The following SEMA5B variants were observed in gnomAD, a reference collection of about 807,000 sequenced individuals.
SEMA5B encodes semaphorin 5B.
Under a neutral mutation model 135.0 loss-of-function variants are expected in SEMA5B, and 66 were observed. The observed-to-expected ratio is 0.49, with a 90% CI of 0.40 to 0.60. The LOEUF (loss-of-function observed/expected upper bound fraction) is 0.60, where lower values mean the gene tolerates loss of function less well. Among genes scored for constraint, SEMA5B ranks in the 20% least tolerant of loss-of-function variants. The pLI is 0.00. For synonymous variants in SEMA5B, 690 were observed against 639.5 expected, an observed-to-expected ratio of 1.08 and a Z score of -1.19; for missense variants, 1,501 against 1,566.3, an observed-to-expected ratio of 0.96 and a Z score of 0.70.
chr3:122,929,625 C>T (rs1014066100), intron 5 of SEMA5B, among the ~76,000 whole-genome samples: 2 of 151,398 alleles, frequency 1.3e-5, no homozygotes, highest in African/African-American at 4.9e-5. Flanking sequence ...GGACTGGAAC[C>T]CACATTTCTG....
At chr3:122,926,263 A>G in intron 9 of SEMA5B, 129 bp downstream of exon 9, 2 of 914,446 alleles carry the variant, frequency 2.2e-6, no homozygotes, top group South Asian at 3.5e-5. Flanking sequence ...GCAGTAAGTC[A>G]CAAAATCCTC....
intron 21 of SEMA5B, 31 bp downstream of exon 21, chr3:122,911,460 C>G (rs371097642): frequency 3.1e-6 from 5 of 1,597,098 alleles, no homozygotes; most frequent in Non-Finnish European, 4.3e-6. Flanking sequence ...CTGGGAGGAC[C>G]GCAGCATGAG....
At chr3:122,910,378 C>T (rs1937624726) in intron 22 of SEMA5B, 77 bp from the exon 23 acceptor site, 6 of 1,483,458 alleles carry the variant, frequency 4.0e-6, no homozygotes, top group Non-Finnish European at 5.6e-6. Flanking sequence ...GCAAGGAGTC[C>T]AGAAGCCAGC....
chr3:122,994,212 T>C (rs1022372815), intron 1 of SEMA5B, among the ~76,000 whole-genome samples: 97 of 151,710 alleles, frequency 6.4e-4, no homozygotes, highest in African/African-American at 1.7e-3. Context: ...CACAATTCAT[T>C]TGGAGGGAAA....
At chr3:122,956,072 C>T (rs1940282807) in intron 2 of SEMA5B, among the ~76,000 whole-genome samples, 2 of 152,254 alleles carry the variant, frequency 1.3e-5, no homozygotes, top group Non-Finnish European at 2.9e-5. Context: ...GCACAGATGG[C>T]CAGTGCCTTG....
Position 122,910,181 on chromosome 3 carries a change from C to G in SEMA5B, c.3418G>C (p.Glu1140Gln), listed in dbSNP as rs1439065969. 4.3e-6 allele frequency: 7 copies of G among 1,614,172 alleles called. No homozygotes were observed. Among genetic ancestry groups the G allele is most frequent in the South Asian group, 3.3e-5 (3 of 91,082 alleles). The change falls in exon 23 of 23, where the codon GAG (glutamate) becomes CAG (glutamine). Residue 1140 changes from glutamate (E) to glutamine (Q), a missense_variant. Transcript: ENST00000357599. Reference sequence around the variant, plus strand: ...AAGCACCGTTGTCCAGGTGAGGCCTCGGGCCGGAAGCTGTGTTTGTTCAGG... The same window carrying G: ...AAGCACCGTTGTCCAGGTGAGGCCTGGGGCCGGAAGCTGTGTTTGTTCAGG... ...SPLNKHSFRP[E>Q]ASPGQRCFPN...
At position 122,913,537 on chromosome 3, in the gene SEMA5B, G is replaced by A. The variant is rs758590371; in HGVS notation, c.2277C>T (p.Gly759=). The A allele has an allele frequency of 3.7e-6, 6 of 1,610,868 alleles. No individual in the cohort carries two copies. Among genetic ancestry groups the A allele is most frequent in the Middle Eastern group, 1.7e-4 (1 of 6,052 alleles). ...GGCCCACGGCCCCAACCCTCACCAC[G>A]CCGCAGCCCAGGCAGGAGTTGCCGT... ...CENGNSCLGC[G]VEFKTCNPEG... is the part of the protein sequence containing the mutation. The change falls in exon 16 of 23, where the codon GGC becomes GGT. Residue 759 remains glycine, a synonymous_variant. Coordinates refer to ENST00000357599, the MANE Select transcript of SEMA5B (RefSeq NM_001031702.4).
In SEMA5B at chr3:122,921,983, G is replaced by T. The variant is rs761104935; in HGVS notation, c.1620C>A (p.Leu540=). The change falls in exon 12 of 23, where the codon CTC becomes CTA. Residue 540 remains leucine (L), a synonymous_variant. Coordinates refer to ENST00000357599, the MANE Select transcript of SEMA5B (RefSeq NM_001031702.4). Reference sequence around the variant, plus strand: ...GGACGCCGTCTCTCAGCCCCACGAAGAGCGCGCGGGCGCTGTGCAGGATGC... The same window carrying T: ...GGACGCCGTCTCTCAGCCCCACGAATAGCGCGCGGGCGCTGTGCAGGATGC... ...SLRILHSARA[L]FVGLRDGVLR... The T allele has an allele frequency of 6.5e-7, 1 of 1,535,526 alleles. No individual in the cohort carries two copies.
intron 1 of SEMA5B, among the ~76,000 whole-genome samples, chr3:123,018,210 A>G (rs1222608603): frequency 6.6e-6 from 1 of 152,250 alleles, no homozygotes; most frequent in Non-Finnish European, 1.5e-5. Flanking sequence ...ACTGCTGGCC[A>G]GTGCTGAAAC....
At chr3:123,013,758 C>T (rs1942489614) in intron 1 of SEMA5B, among the ~76,000 whole-genome samples, 1 of 152,350 alleles carries the variant, frequency 6.6e-6, no homozygotes, top group East Asian at 1.9e-4. Context: ...ACCCCATCTT[C>T]ACTTATGTGC....
Position 122,922,231 on chromosome 3 carries a change from C to T in SEMA5B, c.1480+9G>A. On this transcript the variant is annotated intron_variant, in intron 11 of 22. Transcript: ENST00000357599. Reference sequence around the variant, plus strand: ...GACCTGCAGTCCAGGTTGGACCGGGCCGGCTCACCGGTGCCAATGTAGAGT... The same window carrying T: ...GACCTGCAGTCCAGGTTGGACCGGGTCGGCTCACCGGTGCCAATGTAGAGT... 3 of 1,605,874 alleles carry T rather than the reference C, an allele frequency of 1.9e-6. No individual in the cohort carries two copies. Among genetic ancestry groups the T allele is most frequent in the Non-Finnish European group, 2.6e-6 (3 of 1,173,864 alleles).
chr3:123,020,401 A>T (rs1362754817), intron 1 of SEMA5B, among the ~76,000 whole-genome samples: 1 of 152,266 alleles, frequency 6.6e-6, no homozygotes, highest in East Asian at 1.9e-4. Flanking sequence ...ATTAATATTC[A>T]TTACTTTTGT....
At position 122,911,033 on chromosome 3, in the gene SEMA5B, A is replaced by G. The variant is rs113593602; in HGVS notation, c.3104T>C (p.Ile1035Thr). 1.7e-5 allele frequency: 27 copies of G among 1,613,096 alleles called. No individual in the cohort carries two copies. The African/African-American group carries it at 3.1e-4, about 18-fold the overall frequency. ...GGAGATGCCCGTGGCCACCAAGTGG[A>G]TGAGATTGAACCCTAGGGGAAGAGA... Reference protein sequence around the residue: ...EATDCAGFNLIHLVATGISCF... With the variant: ...EATDCAGFNLTHLVATGISCF... The change falls in exon 22 of 23, where the codon ATC becomes ACC. Residue 1035 changes from isoleucine (I) to threonine (T), a missense_variant. By Grantham distance (89) the Ile-to-Thr change is moderately conservative. Around this residue, in one of 2 missense-constraint regions of SEMA5B, gnomAD observed 927 missense variants for 881.6 expected, o/e 1.05. Transcript: ENST00000357599.
intron 1 of SEMA5B, among the ~76,000 whole-genome samples, chr3:123,000,133 A>G (rs897317775): frequency 1.3e-5 from 2 of 152,190 alleles, no homozygotes; most frequent in East Asian, 1.9e-4. Context: ...GCTTGGACCC[A>G]GGAGGCGGAG....
chr3:122,930,521 G>A lies in SEMA5B; in HGVS notation c.475-1463C>T, dbSNP rs1371180656. Among the ~76,000 whole-genome samples, 8 of 152,354 alleles carry A rather than the reference G, an allele frequency of 5.3e-5. 1 individual carries two copies. In the South Asian group the frequency reaches 8.3e-4, roughly 16 times the overall value. On this transcript the variant is annotated intron_variant, in intron 5 of 22. Coordinates refer to ENST00000357599, the MANE Select transcript of SEMA5B (RefSeq NM_001031702.4). ...TCAGGGCTTCTGGGGACAGAAAAGAGCAACGAGCCACAAACATTGCAGTTG... is the reference window on the plus strand; with the variant it reads ...TCAGGGCTTCTGGGGACAGAAAAGAACAACGAGCCACAAACATTGCAGTTG...
At chr3:123,008,147 C>A (rs1424967654) in intron 1 of SEMA5B, among the ~76,000 whole-genome samples, 2 of 152,216 alleles carry the variant, frequency 1.3e-5, no homozygotes, top group African/African-American at 2.4e-5. Context: ...GACAATAACA[C>A]CATAACTTTT....
In SEMA5B at chr3:122,964,002, T is replaced by G. The variant is rs557583315; in HGVS notation, c.-38-2701A>C. On this transcript the variant is annotated intron_variant, in intron 1 of 22. Transcript: ENST00000357599. ...GCTTCCACTTCCACCCCTGCCCCAC[T>G]AGCTCCGCAGATTGCCAGCCCTTCT... Among the ~76,000 whole-genome samples, 13 of 152,114 alleles carry G rather than the reference T, an allele frequency of 8.5e-5. No homozygotes were observed. The East Asian group carries it at 2.3e-3, about 27-fold the overall frequency.
At position 122,927,818 on chromosome 3, in the gene SEMA5B, A is replaced by T. The variant is rs1193663845; in HGVS notation, c.822T>A (p.Thr274=). 6.6e-7 allele frequency: 1 copy of T among 1,507,258 alleles called. No individual in the cohort carries two copies. 93.4% of individuals were successfully genotyped at this position (1,507,258 alleles called of 1,614,324 possible). A position where few individuals can be genotyped will look rare whatever the true frequency, so the allele number is the denominator to read the frequency against. The change falls in exon 8 of 23, where the codon ACT becomes ACA. Residue 274 remains threonine, a synonymous_variant. Coordinates refer to ENST00000357599, the MANE Select transcript of SEMA5B (RefSeq NM_001031702.4). ...TAAGCCACTTGGAGTTATATTGGGC[A>T]GTGCGAAGCGGTGGCCCACTGCCCA... ...RSLGSGPPLR[T]AQYNSKWLNE...
intron 1 of SEMA5B, among the ~76,000 whole-genome samples, chr3:122,970,866 G>A (rs1026331600): frequency 1.3e-5 from 2 of 152,190 alleles, no homozygotes; most frequent in African/African-American, 4.8e-5. Context: ...CAGAGAAACA[G>A]GGCCTCTTTG....
Sources: gnomAD v4.1 joint callset for allele counts (sites outside exome capture counted in the v4.1 genomes callset) on GRCh38, gnomAD v4.1.1 for gene constraint, gnomAD v4.1.1 regional missense constraint, MANE v1.5 for transcripts, NCBI Gene and HGNC (gene_info 2026-07-23, HGNC 2026-07-21) for gene names.